SLC16A7: variants seen among roughly 807,000 people sequenced by gnomAD.
SLC16A7 encodes the protein solute carrier family 16 member 7.
SLC16A7 carries 33 observed loss-of-function variants against 34.9 expected under a neutral mutation model. The ratio of observed to expected loss-of-function variants is 0.94; its 90% CI spans 0.72 to 1.26. The LOEUF (loss-of-function observed/expected upper bound fraction) is 1.26. Ranked by LOEUF, SLC16A7 falls within the 50% of genes most tolerant of loss-of-function variation. The pLI, the probability that SLC16A7 is intolerant of heterozygous loss-of-function variation, is 0.00. For synonymous variants in SLC16A7, 201 were observed against 206.6 expected (o/e 0.97, Z 0.23); for missense variants, 573 against 578.1 (o/e 0.99, Z 0.09).
chr12:59,751,680 C>G (rs555543551), intron 3 of SLC16A7, among the ~76,000 whole-genome samples: 174 of 152,308 alleles, frequency 1.1e-3, no homozygotes, highest in Non-Finnish European at 2.0e-3. Context: ...GAGCAGGGCA[C>G]AGACAAACAA....
intron 2 of SLC16A7, among the ~76,000 whole-genome samples, chr12:59,699,839 C>A (rs888735679): frequency 6.6e-6 from 1 of 151,788 alleles, no homozygotes; most frequent in African/African-American, 2.4e-5. Context: ...ACATTCCCAG[C>A]TGAAGTCAAA....
intron 1 of SLC16A7, among the ~76,000 whole-genome samples, chr12:59,633,498 G>C (rs1160486060): frequency 6.6e-6 from 1 of 151,988 alleles, no homozygotes; most frequent in Non-Finnish European, 1.5e-5. Flanking sequence ...GTGACACCTA[G>C]TGTGGTGCTT....
intron 3 of SLC16A7, among the ~76,000 whole-genome samples, chr12:59,711,246 G>A (rs539227029): frequency 2.0e-5 from 3 of 152,224 alleles, no homozygotes; most frequent in African/African-American, 7.2e-5. Flanking sequence ...GAAGAAGGAA[G>A]GATTCTGAAG....
At chr12:59,767,169 A>ATT (rs1881745838) in intron 3 of SLC16A7, among the ~76,000 whole-genome samples, 1 of 151,402 alleles carries the variant, frequency 6.6e-6, no homozygotes, top group South Asian at 2.1e-4. Context: ...AGCTTCTAGT[A>ATT]TGCAAATAAA....
chr12:59,755,689 A>G (rs1880235783), intron 3 of SLC16A7, among the ~76,000 whole-genome samples: 1 of 152,174 alleles, frequency 6.6e-6, no homozygotes, highest in Admixed American at 6.5e-5. Flanking sequence ...GCCCAAGGTA[A>G]TTTCTAGTTT....
At chr12:59,729,710 A>T (rs919334698) in intron 3 of SLC16A7, among the ~76,000 whole-genome samples, 1 of 152,190 alleles carries the variant, frequency 6.6e-6, no homozygotes, top group Non-Finnish European at 1.5e-5. Context: ...TAATAGTTTC[A>T]TTAATTTTTG....
intron 2 of SLC16A7, among the ~76,000 whole-genome samples, chr12:59,698,607 G>T (rs1872567196): frequency 6.6e-6 from 1 of 151,780 alleles, no homozygotes; most frequent in South Asian, 2.1e-4. Flanking sequence ...TAAACCGTTT[G>T]TGGACCATTA....
intron 1 of SLC16A7, among the ~76,000 whole-genome samples, chr12:59,624,772 GTCTA>G (rs1485267989): frequency 7.4e-5 from 11 of 148,764 alleles, no homozygotes; most frequent in East Asian, 2.1e-4. Context: ...GTGTGTGTGT[GTCTA>G]TCTATATGTG....
chr12:59,768,285 C>CCTCATGGGTGA (rs1881883144), intron 3 of SLC16A7: 1 of 441,874 alleles, frequency 2.3e-6, no homozygotes, highest in Admixed American at 2.4e-5. Flanking sequence ...TTATTTCAAT[C>CCTCATGGGTGA]CTCATGGGTG....
At chr12:59,602,922 A>G (rs1878758376) in intron 1 of SLC16A7, among the ~76,000 whole-genome samples, 1 of 152,090 alleles carries the variant, frequency 6.6e-6, no homozygotes, top group Non-Finnish European at 1.5e-5. Flanking sequence ...ATTTCCAGAC[A>G]TTTCTAGATG....
At chr12:59,645,726 A>T (rs1291548655) in intron 1 of SLC16A7, among the ~76,000 whole-genome samples, 1 of 152,182 alleles carries the variant, frequency 6.6e-6, no homozygotes, top group Admixed American at 6.5e-5. Flanking sequence ...GGAACTGGGT[A>T]ACAGGCTGAG....
intron 2 of SLC16A7, among the ~76,000 whole-genome samples, chr12:59,703,693 C>T (rs917376487): frequency 6.6e-6 from 1 of 151,906 alleles, no homozygotes; most frequent in Admixed American, 6.6e-5. Context: ...CTCACTGCAG[C>T]CTTGAACTAC....
At chr12:59,692,528 T>G (rs920129173) in intron 2 of SLC16A7, among the ~76,000 whole-genome samples, 1 of 152,042 alleles carries the variant, frequency 6.6e-6, no homozygotes, top group Non-Finnish European at 1.5e-5. Context: ...ATAATTTTTC[T>G]GATTTTTGGA....
intron 3 of SLC16A7, among the ~76,000 whole-genome samples, chr12:59,728,360 A>G (rs902653382): frequency 5.3e-5 from 8 of 152,312 alleles, no homozygotes; most frequent in East Asian, 1.9e-4. Flanking sequence ...GTGAGGCCCT[A>G]TTGGCTGTGA....
At chr12:59,767,494 A>T (rs899675376) in intron 3 of SLC16A7, among the ~76,000 whole-genome samples, 2 of 152,054 alleles carry the variant, frequency 1.3e-5, no homozygotes, top group Non-Finnish European at 2.9e-5. Context: ...CTTTAAGTTG[A>T]AGCAAAGCTC....
chr12:59,719,996 C>T (rs1301028960), intron 3 of SLC16A7: 2 of 670,934 alleles, frequency 3.0e-6, no homozygotes, highest in East Asian at 5.6e-5. Context: ...CCTGGGTCTA[C>T]CTGACTTTGA....
At chr12:59,688,274 A>G (rs1271777999) in intron 2 of SLC16A7, among the ~76,000 whole-genome samples, 1 of 152,076 alleles carries the variant, frequency 6.6e-6, no homozygotes. Context: ...AGCCATTATT[A>G]GAACAAGCAA....
chr12:59,625,106 G>A (rs995891169), intron 1 of SLC16A7, among the ~76,000 whole-genome samples: 7 of 151,688 alleles, frequency 4.6e-5, no homozygotes, highest in Admixed American at 4.0e-4. Flanking sequence ...TCAATGGAAG[G>A]ATTTTTATAT....
At chr12:59,738,677 G>A (rs1732443620) in intron 3 of SLC16A7, among the ~76,000 whole-genome samples, 1 of 152,104 alleles carries the variant, frequency 6.6e-6, no homozygotes, top group Admixed American at 6.5e-5. Context: ...GATGAGCTTT[G>A]CCTCAGAGAA....
Sources: gnomAD v4.1 joint callset for allele counts (sites outside exome capture counted in the v4.1 genomes callset) on GRCh38, gnomAD v4.1.1 for gene constraint, MANE v1.5 for transcripts, NCBI Gene and HGNC (gene_info 2026-07-23, HGNC 2026-07-21) for gene names.